TMLHE: variants seen among roughly 807,000 people sequenced by gnomAD.
TMLHE encodes trimethyllysine hydroxylase, epsilon, also known as trimethyllysine dioxygenase, mitochondrial.
A neutral mutation model predicts 25.7 loss-of-function variants in TMLHE; 18 were observed. That is an observed-to-expected ratio of 0.70 (90% confidence interval 0.48 to 1.04). TMLHE has a LOEUF of 1.04. Ranked by LOEUF, TMLHE falls within the 50% of genes least tolerant of loss-of-function variation. The pLI is 0.00. For missense variants in TMLHE, 236 were observed against 259.0 expected (o/e 0.91, Z 0.61); for synonymous variants, 105 against 97.0 (o/e 1.08, Z -0.49).
At chrX:155,552,715 G>T (rs782536117) in intron 1 of TMLHE, among the ~76,000 whole-genome samples, 2 of 109,481 alleles carry the variant, frequency 1.8e-5, no homozygotes, top group Non-Finnish European at 3.8e-5. Context: ...CTTTCTTACA[G>T]GAAATTCTGT....
chrX:155,559,671 C>T (rs962434251), intron 1 of TMLHE, among the ~76,000 whole-genome samples: 1 of 112,101 alleles, frequency 8.9e-6, no homozygotes, highest in East Asian at 2.8e-4. Flanking sequence ...GAAGCATTAC[C>T]TCCTGAAAGG....
chrX:155,547,503 C>G lies in TMLHE; in HGVS notation c.-1-2226G>C, dbSNP rs1557338981. ...ATAAATAAATCAGCAGTCCTAGCCA[C>G]CATTCAAGATGTTCACAAACTAGCA... On this transcript the variant is annotated intron_variant, in intron 1 of 7. Transcript: ENST00000334398. Among the ~76,000 whole-genome samples the G allele has an allele frequency of 2.7e-5, 3 of 111,159 alleles. No homozygotes were observed. In the Admixed American group the frequency reaches 2.9e-4, roughly 11 times the overall value.
intron 5 of TMLHE, among the ~76,000 whole-genome samples, chrX:155,508,171 T>C (rs1557332937): frequency 9.0e-6 from 1 of 111,192 alleles, no homozygotes; most frequent in African/African-American, 3.3e-5. Context: ...TTTCTGAATA[T>C]GTTAACAGGG....
chrX:155,543,103 G>A (rs141155746), intron 2 of TMLHE, among the ~76,000 whole-genome samples: 1,712 of 111,091 alleles, frequency 0.015, 22 homozygotes, highest in Middle Eastern at 0.06. Flanking sequence ...AGCCATTCAG[G>A]GTCTTAAGTT....
At chrX:155,548,461 C>A (rs180945405) in intron 1 of TMLHE, among the ~76,000 whole-genome samples, 1 of 110,729 alleles carries the variant, frequency 9.0e-6, no homozygotes, top group Non-Finnish European at 1.9e-5. Context: ...ACAGGCTGGG[C>A]ACGGTGGCTC....
chrX:155,603,616 C>T (rs980467177), intron 1 of TMLHE, among the ~76,000 whole-genome samples: 1 of 111,542 alleles, frequency 9.0e-6, no homozygotes, highest in Non-Finnish European at 1.9e-5. Context: ...CGGATATAAA[C>T]CCTTATATTT....
At chrX:155,549,888 C>T (rs983038816) in intron 1 of TMLHE, among the ~76,000 whole-genome samples, 2 of 109,386 alleles carry the variant, frequency 1.8e-5, no homozygotes, top group African/African-American at 6.8e-5. Flanking sequence ...CCCCACTCCC[C>T]GAGAGGCCCC....
intron 1 of TMLHE, among the ~76,000 whole-genome samples, chrX:155,574,613 C>A (rs1371899334): frequency 1.8e-5 from 2 of 111,689 alleles, no homozygotes; most frequent in African/African-American, 6.5e-5. Flanking sequence ...TCAACAAAAA[C>A]CATTTCTAGG....
intron 1 of TMLHE, among the ~76,000 whole-genome samples, chrX:155,608,368 G>C (rs1391247689): frequency 4.9e-5 from 1 of 20,310 alleles, no homozygotes; most frequent in Non-Finnish European, 3.0e-4. Flanking sequence ...ATAGAAACCA[G>C]AAGGCGTCTG....
At chrX:155,555,898 G>T (rs2067450425) in intron 1 of TMLHE, among the ~76,000 whole-genome samples, 2 of 109,026 alleles carry the variant, frequency 1.8e-5, no homozygotes, top group African/African-American at 6.7e-5. Flanking sequence ...GTCAATTTTG[G>T]CTTTTGTTGC....
At chrX:155,522,048 C>G (rs1345267377) in intron 3 of TMLHE, among the ~76,000 whole-genome samples, 2 of 111,731 alleles carry the variant, frequency 1.8e-5, no homozygotes, top group Non-Finnish European at 3.8e-5. Flanking sequence ...GCTCCTCCCC[C>G]CAACAATTGT....
chrX:155,509,203 C>G (rs1320366141), intron 5 of TMLHE, among the ~76,000 whole-genome samples: 1 of 111,485 alleles, frequency 9.0e-6, no homozygotes, highest in Non-Finnish European at 1.9e-5. Flanking sequence ...AATTCCTTAG[C>G]AATGCTAATG....
At chrX:155,555,976 T>A (rs1273417828) in intron 1 of TMLHE, among the ~76,000 whole-genome samples, 2 of 110,505 alleles carry the variant, frequency 1.8e-5, no homozygotes, top group Admixed American at 1.9e-4. Flanking sequence ...ATTGCCTAGG[T>A]TTTCTTCTAG....
chrX:155,527,589 A>G (rs941730579), intron 2 of TMLHE, among the ~76,000 whole-genome samples: 4 of 112,367 alleles, frequency 3.6e-5, no homozygotes, highest in African/African-American at 1.3e-4. Flanking sequence ...ATTACAAAAA[A>G]AACAAAGACT....
chrX:155,508,316 TAAAC>T (rs1247541971), intron 5 of TMLHE, among the ~76,000 whole-genome samples: 4 of 111,021 alleles, frequency 3.6e-5, no homozygotes, highest in Admixed American at 9.6e-5. Flanking sequence ...AAATAAGAAA[TAAAC>T]AAAAATATGG....
chrX:155,548,456 C>CG (rs1360445895), intron 1 of TMLHE, among the ~76,000 whole-genome samples: 6 of 110,877 alleles, frequency 5.4e-5, no homozygotes, highest in South Asian at 3.7e-4. Flanking sequence ...ATCCTACAGG[C>CG]TGGGCACGGT....
chrX:155,551,450 C>T (rs1422771316), intron 1 of TMLHE, among the ~76,000 whole-genome samples: 1 of 101,470 alleles, frequency 9.9e-6, no homozygotes, highest in East Asian at 3.2e-4. Flanking sequence ...TGAGGAATTG[C>T]CACACTGTCT....
At chrX:155,555,964 G>A (rs1485362966) in intron 1 of TMLHE, among the ~76,000 whole-genome samples, 3 of 110,264 alleles carry the variant, frequency 2.7e-5, no homozygotes, top group Admixed American at 9.7e-5. Flanking sequence ...GTCCTGAATG[G>A]TATTGCCTAG....
intron 1 of TMLHE, among the ~76,000 whole-genome samples, chrX:155,590,094 C>G (rs1463882252): frequency 1.8e-5 from 2 of 111,912 alleles, no homozygotes; most frequent in Non-Finnish European, 3.8e-5. Flanking sequence ...AAGGAAATGA[C>G]ACCAGATGGT....
Sources: gnomAD v4.1 joint callset for allele counts (sites outside exome capture counted in the v4.1 genomes callset) on GRCh38, gnomAD v4.1.1 for gene constraint, MANE v1.5 for transcripts, NCBI Gene and HGNC (gene_info 2026-07-23, HGNC 2026-07-21) for gene names.